The following TLE1 variants were observed in gnomAD, a reference collection of about 807,000 sequenced individuals.
TLE1 encodes the protein TLE family member 1, transcriptional corepressor, also known as transducin-like enhancer protein 1.
In TLE1, 21 loss-of-function variants were observed where a neutral mutation model predicts 89.8. The observed-to-expected ratio is 0.23, with a 90% CI of 0.17 to 0.34. The LOEUF (loss-of-function observed/expected upper bound fraction) is 0.34, where lower values mean the gene tolerates loss of function less well. TLE1 is among the 10% of genes least tolerant of loss of function. The pLI, the probability that TLE1 is intolerant of heterozygous loss-of-function variation, is 1.00. For missense variants in TLE1, 795 were observed against 1,031.2 expected (o/e 0.77, Z 3.14); for synonymous variants, 447 against 407.6 (o/e 1.10, Z -1.16).
intron 8 of TLE1, among the ~76,000 whole-genome samples, chr9:81,628,206 TGCTGTCTGCTAC>T (rs1170343224): frequency 6.6e-6 from 1 of 152,172 alleles, no homozygotes. Flanking sequence ...GCACCTTCTA[TGCTGTCTGCTAC>T]CCTCCCACCT....
Position 81,594,936 on chromosome 9 carries a change from C to T in TLE1, c.1332-1662G>A, listed in dbSNP as rs770820959. Among the ~76,000 whole-genome samples, 27 of 152,270 alleles carry T rather than the reference C, an allele frequency of 1.8e-4. No individual in the cohort carries two copies. In the East Asian group the frequency reaches 3.1e-3, roughly 17 times the overall value. On this transcript the variant is annotated intron_variant, in intron 14 of 19. Coordinates refer to ENST00000376499, the MANE Select transcript of TLE1 (RefSeq NM_005077.5). ...CTCCATAAAAGCAAAATATCAGACA[C>T]ATGAAGACTTTTAAACTTCCCCTCC...
At chr9:81,631,071 T>C (rs1428988523) in intron 8 of TLE1, among the ~76,000 whole-genome samples, 1 of 152,158 alleles carries the variant, frequency 6.6e-6, no homozygotes, top group Non-Finnish European at 1.5e-5. Flanking sequence ...TGTCAAAAAT[T>C]TGATATAAAA....
chr9:81,652,427 T>C, intron 5 of TLE1, 139 bp from the exon 6 acceptor site: 1 of 631,464 alleles, frequency 1.6e-6, no homozygotes, highest in East Asian at 2.6e-5. Context: ...AACCACACTT[T>C]ATTTTCACAG....
chr9:81,617,059 T>C (rs1427739600), intron 9 of TLE1, among the ~76,000 whole-genome samples: 1 of 151,292 alleles, frequency 6.6e-6, no homozygotes, highest in Non-Finnish European at 1.5e-5. Flanking sequence ...ATTTGAGATC[T>C]GCACACCCTT....
chr9:81,677,930 T>G (rs1372549488), intron 4 of TLE1, among the ~76,000 whole-genome samples: 1 of 152,200 alleles, frequency 6.6e-6, no homozygotes, highest in Admixed American at 6.5e-5. Flanking sequence ...TTTCTCTATT[T>G]GGAAGATGAA....
At chr9:81,620,264 G>A (rs970642759) in intron 9 of TLE1, among the ~76,000 whole-genome samples, 177 bp downstream of exon 9, 4 of 152,016 alleles carry the variant, frequency 2.6e-5, no homozygotes, top group African/African-American at 4.8e-5. Context: ...CACTGAGCCC[G>A]GCAGAAGCAT....
At chr9:81,632,228 A>G (rs1297836199) in intron 8 of TLE1, among the ~76,000 whole-genome samples, 1 of 152,048 alleles carries the variant, frequency 6.6e-6, no homozygotes, top group Non-Finnish European at 1.5e-5. Flanking sequence ...TGTCCCCCCA[A>G]TCCCCTCTCA....
At chr9:81,670,514 C>CG (rs1387808949) in intron 4 of TLE1, among the ~76,000 whole-genome samples, 4 of 151,878 alleles carry the variant, frequency 2.6e-5, no homozygotes, top group Non-Finnish European at 4.4e-5. Flanking sequence ...TTAGTAGAGA[C>CG]GGGGTTTCAC....
chr9:81,680,366 T>C (rs1833459814), intron 4 of TLE1, among the ~76,000 whole-genome samples: 1 of 152,216 alleles, frequency 6.6e-6, no homozygotes, highest in African/African-American at 2.4e-5. Flanking sequence ...TGCAATGGCC[T>C]GACTCTACCT....
At chr9:81,597,470 G>C (rs1041860647) in intron 14 of TLE1, among the ~76,000 whole-genome samples, 35 of 152,184 alleles carry the variant, frequency 2.3e-4, no homozygotes, top group African/African-American at 8.4e-4. Context: ...GGAAATGGCA[G>C]TTGGCAAAGA....
chr9:81,662,361 T>TTGTGTGTGTGTGTGTGTGTGTG (rs371936084), intron 4 of TLE1, among the ~76,000 whole-genome samples: 18 of 138,356 alleles, frequency 1.3e-4, no homozygotes, highest in South Asian at 2.4e-4. Context: ...TGTGCCTGTT[T>TTGTGTGTGTGTGTGTGTGTGTG]TGTGTGTGTG....
At chr9:81,630,115 A>G (rs552376817) in intron 8 of TLE1, among the ~76,000 whole-genome samples, 3 of 152,164 alleles carry the variant, frequency 2.0e-5, no homozygotes, top group South Asian at 2.1e-4. Flanking sequence ...AATATGTTCA[A>G]TATAGAAAGA....
intron 14 of TLE1, among the ~76,000 whole-genome samples, chr9:81,597,833 G>A (rs1030683377): frequency 3.3e-5 from 5 of 152,178 alleles, no homozygotes; most frequent in African/African-American, 7.2e-5. Flanking sequence ...AGTCCCCACC[G>A]GGCTCCTTCG....
chr9:81,593,740 A>G (rs902419500), intron 14 of TLE1, among the ~76,000 whole-genome samples: 1 of 152,216 alleles, frequency 6.6e-6, no homozygotes, highest in Admixed American at 6.5e-5. Flanking sequence ...CAGCAAAAAC[A>G]ACCTCCAAAA....
chr9:81,610,147 G>T, intron 14 of TLE1, 73 bp downstream of exon 14: 1 of 1,355,928 alleles, frequency 7.4e-7, no homozygotes, highest in Non-Finnish European at 1.0e-6. Context: ...ACTCCCTTTG[G>T]AATTCTAGTC....
At chr9:81,634,365 G>C in intron 6 of TLE1, 64 bp from the exon 7 acceptor site, 2 of 1,312,894 alleles carry the variant, frequency 1.5e-6, no homozygotes, top group Non-Finnish European at 1.0e-6. Context: ...GACAGTGATG[G>C]CGATGGAGGC....
intron 8 of TLE1, among the ~76,000 whole-genome samples, chr9:81,629,469 C>A (rs1826306174): frequency 6.6e-6 from 1 of 152,088 alleles, no homozygotes; most frequent in African/African-American, 2.4e-5. Context: ...AAACCAAAGC[C>A]AAACCTCTAT....
intron 6 of TLE1, among the ~76,000 whole-genome samples, chr9:81,647,653 C>T (rs1829019296): frequency 6.6e-6 from 1 of 152,146 alleles, no homozygotes; most frequent in Non-Finnish European, 1.5e-5. Context: ...TTCAAGGAGT[C>T]AGGACCACAT....
intron 4 of TLE1, among the ~76,000 whole-genome samples, chr9:81,679,304 CTTTTT>C (rs56022025): frequency 2.6e-5 from 4 of 151,542 alleles, no homozygotes; most frequent in Non-Finnish European, 5.9e-5. Flanking sequence ...TTTTTCTTCA[CTTTTT>C]TTTCTTTTTT....
Sources: gnomAD v4.1 joint callset for allele counts (sites outside exome capture counted in the v4.1 genomes callset) on GRCh38, gnomAD v4.1.1 for gene constraint, MANE v1.5 for transcripts, NCBI Gene and HGNC (gene_info 2026-07-23, HGNC 2026-07-21) for gene names.